The following MLKL variants were observed in gnomAD, a reference collection of about 807,000 sequenced individuals.
MLKL encodes mixed lineage kinase domain like pseudokinase, also known as mixed lineage kinase domain-like protein.
Under a neutral mutation model 56.5 loss-of-function variants are expected in MLKL, and 55 were observed. That is an observed-to-expected ratio of 0.97 (90% confidence interval 0.78 to 1.22). MLKL has a LOEUF of 1.22. Ranked by LOEUF, MLKL falls within the 50% of genes most tolerant of loss-of-function variation. The pLI is 0.00. For synonymous variants in MLKL, 251 were observed against 208.3 expected (o/e 1.20, Z -1.76); for missense variants, 694 against 573.9 (o/e 1.21, Z -2.14).
intron 8 of MLKL, 27 bp downstream of exon 8, chr16:74,675,586 A>G (rs1406135917): frequency 6.2e-7 from 1 of 1,604,968 alleles, no homozygotes; most frequent in East Asian, 2.2e-5. Flanking sequence ...CATCTGAGTT[A>G]GAATCTGTAC....
rs1262093236 is a variant in MLKL, at chr16:74,695,187, C to A, written c.460+111G>T. The A allele has an allele frequency of 5.1e-6, 6 of 1,181,548 alleles. No individual in the cohort carries two copies. The East Asian group carries it at 7.1e-5, about 14-fold the overall frequency. The allele number at this position is 1,181,548 out of a possible 1,614,324, so 73.2% of individuals were successfully genotyped here. A position where few individuals can be genotyped will look rare whatever the true frequency, so the allele number is the denominator to read the frequency against. ...GCGCCCAGCTAGGAGTTTTGAGGTA[C>A]AAGTATATTACAACTGCTCAAACTT... On this transcript the variant is annotated intron_variant, in intron 2 of 10. Coordinates refer to ENST00000308807, the MANE Select transcript of MLKL (RefSeq NM_152649.4).
At position 74,692,373 on chromosome 16, in the gene MLKL, G is replaced by C. The variant is rs771330406; in HGVS notation, c.504C>G (p.Asn168Lys). The change falls in exon 3 of 11, where the codon AAC becomes AAG. Residue 168 changes from asparagine (N) to lysine (K), a missense_variant. Asn to Lys is a moderately conservative substitution (Grantham distance 94). Coordinates refer to ENST00000308807, the MANE Select transcript of MLKL (RefSeq NM_152649.4). ...IEASLRRLEI[N>K]MKEIKETLRQ... is the part of the protein sequence containing the mutation. ...TCAAAGTTTCCTTGATTTCTTTCAT[G>C]TTGATTTCTAATCGTCTCAGTGAAG... 8.7e-6 allele frequency: 14 copies of C among 1,613,532 alleles called. No homozygotes were observed. The highest frequency in any genetic ancestry group is 5.5e-5 in the South Asian group (5 of 90,926).
In MLKL at chr16:74,693,663, A is replaced by C. The variant is rs375170955; in HGVS notation, c.461-1247T>G. 4.5e-4 allele frequency among the ~76,000 whole-genome samples: 62 copies of C among 138,090 alleles called. No homozygotes were observed. In the East Asian group the frequency reaches 0.01, roughly 23 times the overall value. The allele number at this position is 138,090 out of a possible 152,430, so 90.6% of individuals were successfully genotyped here. On this transcript the variant is annotated intron_variant, in intron 2 of 10. Transcript: ENST00000308807. The stretch of plus-strand genomic sequence containing the variant: ...TGTCGCCCAGGCTGGAGTGCAGTGG[A>C]GCGATCTCAGCTCACTGCAGGCTCC...
At chr16:74,684,620 G>A (rs374599920) in intron 5 of MLKL, among the ~76,000 whole-genome samples, 8 of 151,266 alleles carry the variant, frequency 5.3e-5, no homozygotes, top group Admixed American at 2.0e-4. Context: ...TCAGCCTCCC[G>A]AGTAGCTGGG....
intron 6 of MLKL, among the ~76,000 whole-genome samples, chr16:74,681,749 G>A (rs902774776): frequency 4.0e-5 from 6 of 151,722 alleles, no homozygotes; most frequent in African/African-American, 1.2e-4. Flanking sequence ...AGCCGAGATC[G>A]TGCCACTGCA....
At chr16:74,697,000 TATATATA>T (rs1303374979) in intron 1 of MLKL, among the ~76,000 whole-genome samples, 1 of 146,548 alleles carries the variant, frequency 6.8e-6, no homozygotes, top group East Asian at 2.0e-4. Flanking sequence ...TAGTAATACA[TATATATA>T]ATATTACATA....
At position 74,692,425 on chromosome 16, in the gene MLKL, A is replaced by G; in HGVS notation, c.461-9T>C. The G allele has an allele frequency of 3.7e-6, 6 of 1,609,808 alleles. No homozygotes were observed. The highest frequency in any genetic ancestry group is 2.7e-5 in the African/African-American group (2 of 74,826). ...TTCTATTTTTTCATTATCTGCAGGAAAAAAGGGCAGTATATGCTCAAAATA... is the reference window on the plus strand; with the variant it reads ...TTCTATTTTTTCATTATCTGCAGGAGAAAAGGGCAGTATATGCTCAAAATA... On this transcript the variant is annotated splice_polypyrimidine_tract_variant and intron_variant, in intron 2 of 10. Coordinates refer to ENST00000308807, the MANE Select transcript of MLKL (RefSeq NM_152649.4).
Position 74,695,656 on chromosome 16 carries a change from G to A in MLKL, c.102C>T (p.Arg34=), listed in dbSNP as rs1396363746. ...CCAGAGGCTTGATCAGGCCGAGGAC[G>A]CGGTGGCCCAGGCGCCGGCACTGTT... ...CKKQCRRLGH[R]VLGLIKPLEM... Residue 34 remains arginine, a synonymous_variant, in exon 2 of 11, where the codon CGC becomes CGT. Transcript: ENST00000308807. 24 of 1,614,014 alleles carry A rather than the reference G, an allele frequency of 1.5e-5. No individual in the cohort carries two copies. Among genetic ancestry groups the A allele is most frequent in the Non-Finnish European group, 1.9e-5 (23 of 1,180,048 alleles).
At chr16:74,679,285 G>A (rs980770697) in intron 6 of MLKL, among the ~76,000 whole-genome samples, 1 of 152,174 alleles carries the variant, frequency 6.6e-6, no homozygotes, top group African/African-American at 2.4e-5. Context: ...GGAAGTGCTG[G>A]GCAGATCCGA....
chr16:74,700,617 C>G lies in MLKL; in HGVS notation c.-167G>C, dbSNP rs1433342043. 1 of 152,606 alleles carries G rather than the reference C, an allele frequency of 6.6e-6. No homozygotes were observed. The highest frequency in any genetic ancestry group is 2.4e-5 in the African/African-American group (1 of 41,480). 9.5% of individuals were successfully genotyped at this position (152,606 alleles called of 1,614,324 possible). A position where few individuals can be genotyped will look rare whatever the true frequency, so the allele number is the denominator to read the frequency against. On this transcript the variant is annotated 5_prime_UTR_variant, in exon 1 of 11. Coordinates refer to ENST00000308807, the MANE Select transcript of MLKL (RefSeq NM_152649.4). ...CGCCCCCTTTCCTGGTGCCCGCACC[C>G]TGCACTCTGCTGACTGTACCGGACG...
intron 4 of MLKL, among the ~76,000 whole-genome samples, chr16:74,689,096 C>T (rs1960508717): frequency 6.6e-6 from 1 of 150,984 alleles, no homozygotes; most frequent in Non-Finnish European, 1.5e-5. Flanking sequence ...TTTCTCCTTC[C>T]TTCCTTCCTT....
At chr16:74,681,002 C>G (rs1158820613) in intron 6 of MLKL, among the ~76,000 whole-genome samples, 2 of 151,752 alleles carry the variant, frequency 1.3e-5, no homozygotes, top group East Asian at 3.9e-4. Flanking sequence ...GAGAAAGTGT[C>G]CTTTTTAAAA....
At chr16:74,677,659 T>G (rs1336951085) in intron 7 of MLKL, 1 of 152,276 alleles carries the variant, frequency 6.6e-6, no homozygotes. Context: ...CCTGGCCATG[T>G]AGCAGCTCTT....
Position 74,682,639 on chromosome 16 carries a change from A to G in MLKL, c.956+12T>C. The G allele has an allele frequency of 6.2e-7, 1 of 1,613,392 alleles. No homozygotes were observed. The highest frequency in any genetic ancestry group is 1.7e-4 in the Middle Eastern group (1 of 5,724). On this transcript the variant is annotated intron_variant, in intron 6 of 10. Transcript: ENST00000308807. ...ATCCAACCCTTAGTGGCGCCTTTTC[A>G]CCCCGTCTTACCGGTATAGGCCTCG...
chr16:74,678,904 C>A lies in MLKL; in HGVS notation c.1033G>T (p.Val345Leu). ...CCCCCGCAAGGCACACTCACCTTCACTTGGTAGCCTTGAGTTACCAGGAAG... is the reference window on the plus strand; with the variant it reads ...CCCCCGCAAGGCACACTCACCTTCAATTGGTAGCCTTGAGTTACCAGGAAG... ...SNFLVTQGYQVKLAGFELRKT... is the reference protein window; with the variant it reads ...SNFLVTQGYQLKLAGFELRKT... Residue 345 changes from valine (V) to leucine (L), a missense_variant, in exon 7 of 11, where the codon GTG (valine) becomes TTG (leucine). Physicochemically the swap from Val to Leu is conservative, Grantham distance 32 (BLOSUM62 1). Coordinates refer to ENST00000308807, the MANE Select transcript of MLKL (RefSeq NM_152649.4). The A allele has an allele frequency of 6.2e-7, 1 of 1,614,112 alleles. No individual in the cohort carries two copies. Among genetic ancestry groups the A allele is most frequent in the Non-Finnish European group, 8.5e-7 (1 of 1,179,972 alleles).
chr16:74,695,819 G>A (rs912691178), intron 1 of MLKL, 60 bp from the exon 2 acceptor site: 1 of 1,426,096 alleles, frequency 7.0e-7, no homozygotes, highest in East Asian at 2.3e-5. Flanking sequence ...TCACTACTTG[G>A]CTAAGAAAGA....
chr16:74,686,759 T>C (rs1960356000), intron 4 of MLKL, among the ~76,000 whole-genome samples: 1 of 152,230 alleles, frequency 6.6e-6, no homozygotes, highest in Non-Finnish European at 1.5e-5. Context: ...CAAAGGAGGC[T>C]TGTCCAAGGT....
intron 2 of MLKL, among the ~76,000 whole-genome samples, chr16:74,694,085 G>T (rs1960867727): frequency 6.6e-6 from 1 of 152,084 alleles, no homozygotes; most frequent in African/African-American, 2.4e-5. Context: ...TTACATGGGA[G>T]GATATTTAAG....
intron 6 of MLKL, among the ~76,000 whole-genome samples, chr16:74,680,451 A>G (rs1416481984): frequency 6.6e-6 from 1 of 152,164 alleles, no homozygotes; most frequent in Non-Finnish European, 1.5e-5. Context: ...TTCTGATTAC[A>G]TCAAGAAGAA....
Sources: gnomAD v4.1 joint callset for allele counts (sites outside exome capture counted in the v4.1 genomes callset) on GRCh38, gnomAD v4.1.1 for gene constraint, MANE v1.5 for transcripts, NCBI Gene and HGNC (gene_info 2026-07-23, HGNC 2026-07-21) for gene names.